Variants in FAM228B observed in about 807,000 individuals in gnomAD.
FAM228B encodes family with sequence similarity 228 member B.
A neutral mutation model predicts 42.6 loss-of-function variants in FAM228B; 38 were observed. That is an observed-to-expected ratio of 0.89 (90% CI 0.69 to 1.17). The LOEUF is 1.17. FAM228B is among the 50% of genes most tolerant of loss of function. FAM228B has a pLI of 0.00. For synonymous variants in FAM228B, 109 were observed against 122.3 expected, an observed-to-expected ratio of 0.89 and a Z score of 0.72; for missense variants, 344 against 367.3, an observed-to-expected ratio of 0.94 and a Z score of 0.52.
In FAM228B at chr2:24,164,293, C is replaced by G; in HGVS notation, c.890C>G (p.Ser297Cys). Residue 297 changes from serine (S) to cysteine (C), a missense_variant, in exon 9 of 11, where the codon TCT becomes TGT. Physicochemically the swap from Ser to Cys is moderately radical, Grantham distance 112. Coordinates refer to ENST00000615575, the MANE Select transcript of FAM228B (RefSeq NM_001145710.2). ...AKEAISEGYFSSLSLSQEREE... is the reference protein window; with the variant it reads ...AKEAISEGYFCSLSLSQEREE... Reference sequence around the variant, plus strand: ...GAGGCCATCTCTGAAGGGTATTTTTCTTCCTTGAGCCTCAGCCAGGAACGG... The same window carrying G: ...GAGGCCATCTCTGAAGGGTATTTTTGTTCCTTGAGCCTCAGCCAGGAACGG... The G allele has an allele frequency of 6.4e-7, 1 of 1,551,086 alleles. No homozygotes were observed. The highest frequency in any genetic ancestry group is 8.7e-7 in the Non-Finnish European group (1 of 1,146,730).
rs182298793 is a variant in FAM228B at position 24,161,960 on chromosome 2, G to A, written c.794+347G>A. Among the ~76,000 whole-genome samples the A allele has an allele frequency of 6.5e-4, 99 of 152,324 alleles. No individual in the cohort carries two copies. In the Middle Eastern group the frequency reaches 0.01, roughly 16 times the overall value. The stretch of plus-strand genomic sequence containing the variant: ...CTAAAAATATAAAAATTAGCCAGGC[G>A]TGGTGGTGGGCAACTATAATCCCAG... On this transcript the variant is annotated intron_variant, in intron 8 of 10. Transcript: ENST00000615575.
chr2:24,149,754 G>A (rs1403791141), intron 7 of FAM228B, among the ~76,000 whole-genome samples: 2 of 152,084 alleles, frequency 1.3e-5, no homozygotes, highest in East Asian at 3.9e-4. Flanking sequence ...TTGTAATAAG[G>A]CTTTTCTTCT....
chr2:24,155,214 T>TA, intron 7 of FAM228B, among the ~76,000 whole-genome samples: 1 of 152,184 alleles, frequency 6.6e-6, no homozygotes, highest in Non-Finnish European at 1.5e-5. Flanking sequence ...AATATTGATT[T>TA]TGTAGTGAGC....
At chr2:24,112,260 G>A (rs940506706) in intron 3 of FAM228B, among the ~76,000 whole-genome samples, 2 of 149,248 alleles carry the variant, frequency 1.3e-5, no homozygotes, top group Non-Finnish European at 3.0e-5. Context: ...AAAGAGACCT[G>A]AAGAAAATCT....
chr2:24,117,014 A>ATTTTTT, intron 3 of FAM228B, among the ~76,000 whole-genome samples: 1 of 131,928 alleles, frequency 7.6e-6, no homozygotes, highest in Non-Finnish European at 1.6e-5. Flanking sequence ...ACAATCCTGC[A>ATTTTTT]TTTTTTTTTT....
At chr2:24,083,827 G>A (rs1376194082) in intron 2 of FAM228B, among the ~76,000 whole-genome samples, 1 of 152,026 alleles carries the variant, frequency 6.6e-6, no homozygotes, top group African/African-American at 2.4e-5. Context: ...CTAGTGTCAC[G>A]GCCTTGGGCG....
intron 7 of FAM228B, among the ~76,000 whole-genome samples, chr2:24,150,960 GT>G (rs1667007497): frequency 6.6e-6 from 1 of 152,060 alleles, no homozygotes; most frequent in African/African-American, 2.4e-5. Context: ...CTACTTGAAT[GT>G]TGATATCTTT....
At chr2:24,089,506 G>C (rs1046127695) in intron 2 of FAM228B, among the ~76,000 whole-genome samples, 1 of 152,054 alleles carries the variant, frequency 6.6e-6, no homozygotes, top group African/African-American at 2.4e-5. Context: ...TTGATGTTGG[G>C]TTTGGCCCTG....
intron 3 of FAM228B, among the ~76,000 whole-genome samples, chr2:24,109,116 A>T (rs1665747170): frequency 6.6e-6 from 1 of 150,922 alleles, no homozygotes; most frequent in Non-Finnish European, 1.5e-5. Flanking sequence ...AAATAATGCC[A>T]TACACCTATA....
chr2:24,134,213 G>A (rs750694992), intron 2 of FAM228B, among the ~76,000 whole-genome samples: 1 of 152,094 alleles, frequency 6.6e-6, no homozygotes, highest in Non-Finnish European at 1.5e-5. Context: ...ATATCCATAG[G>A]CTTATGTTTC....
rs180684939 is a variant in FAM228B, at chr2:24,135,845, A to G, written c.168+658A>G. Among the ~76,000 whole-genome samples the G allele has an allele frequency of 1.5e-3, 221 of 152,058 alleles. 3 individuals are homozygous for G. Among genetic ancestry groups the G allele is most frequent in the African/African-American group, 3.8e-3 (156 of 41,466 alleles). On this transcript the variant is annotated intron_variant, in intron 3 of 10. Coordinates refer to ENST00000615575, the MANE Select transcript of FAM228B (RefSeq NM_001145710.2). ...GAAAGGTGAATGAGAAGGTTTAGTG[A>G]GAATGAATTAGTTTGTAGCCTAATC... is the stretch of plus-strand genomic sequence containing the variant.
In FAM228B at chr2:24,169,562, T is replaced by C. The variant is rs1558399343; in HGVS notation, c.*221T>C. 3.5e-6 allele frequency: 1 copy of C among 285,564 alleles called. No homozygotes were observed. Among genetic ancestry groups the C allele is most frequent in the Non-Finnish European group, 7.8e-6 (1 of 128,420 alleles). 17.7% of individuals were successfully genotyped at this position (285,564 alleles called of 1,614,324 possible). On this transcript the variant is annotated 3_prime_UTR_variant, in exon 11 of 11. Coordinates refer to ENST00000615575, the MANE Select transcript of FAM228B (RefSeq NM_001145710.2). The surrounding 1 kb of genome is among the most constrained non-coding windows in gnomAD (Gnocchi z 4.2). ...TTCAGTGTCTGTGATAATTAAGAAA[T>C]GGCAATACCATGTATTTTCCCCAGA...
chr2:24,144,301 A>G (rs1666837640), intron 5 of FAM228B, among the ~76,000 whole-genome samples: 1 of 151,502 alleles, frequency 6.6e-6, no homozygotes, highest in South Asian at 2.1e-4. Context: ...CTAGCTGGAC[A>G]TGGCGCACAC....
At chr2:24,131,583 T>C (rs1666454083) in intron 2 of FAM228B, among the ~76,000 whole-genome samples, 1 of 152,192 alleles carries the variant, frequency 6.6e-6, no homozygotes, top group South Asian at 2.1e-4. Context: ...TTATTTTCTT[T>C]ATAGCAATTG....
At chr2:24,121,105 A>C, upstream of FAM228B, 5 of 1,597,468 alleles carry the variant, frequency 3.1e-6, no homozygotes, top group Non-Finnish European at 4.3e-6. Context: ...CAGAGCAAGG[A>C]AATTTGGAGG....
At chr2:24,167,803 G>T in intron 10 of FAM228B, 120 bp downstream of exon 10, 1 of 1,185,232 alleles carries the variant, frequency 8.4e-7, no homozygotes, top group East Asian at 2.6e-5. Context: ...ATAATGGGTG[G>T]GTAGGAAAGT....
At chr2:24,111,049 C>G (rs559918167) in intron 3 of FAM228B, among the ~76,000 whole-genome samples, 4 of 152,240 alleles carry the variant, frequency 2.6e-5, no homozygotes, top group Admixed American at 1.3e-4. Context: ...TGACTCTTAT[C>G]TGAGCTTCCT....
Position 24,167,657 on chromosome 2 carries a change from G to T in FAM228B, c.963G>T (p.Lys321Asn). ...CCTCCCCGCGTTTGGGGCTGCTGAA[G>T]CTGGAGCTATAAGAAAGAAGAGGGA... ...GSPSPRLGLLKLEL is the reference protein window; with the variant it reads ...GSPSPRLGLLNLEL Residue 321 changes from lysine (K) to asparagine (N), a missense_variant, in exon 10 of 11, where the codon AAG becomes AAT. Lys to Asn is a moderately conservative substitution (Grantham distance 94). Coordinates refer to ENST00000615575, the MANE Select transcript of FAM228B (RefSeq NM_001145710.2). The T allele has an allele frequency of 6.4e-7, 1 of 1,551,664 alleles. No homozygotes were observed. The highest frequency in any genetic ancestry group is 8.7e-7 in the Non-Finnish European group (1 of 1,146,920).
intron 10 of FAM228B, 44 bp downstream of exon 10, chr2:24,167,727 C>A (rs1303833918): frequency 5.2e-6 from 8 of 1,547,830 alleles, no homozygotes; most frequent in Non-Finnish European, 7.0e-6. Flanking sequence ...CTATTCCTTA[C>A]CCCTGTTTCT....
Sources: allele counts gnomAD v4.1 joint callset (sites outside exome capture counted in the v4.1 genomes callset), GRCh38; gene constraint gnomAD v4.1.1; non-coding constraint Gnocchi (gnomAD v3.1); transcripts MANE v1.5; gene names NCBI Gene and HGNC (gene_info 2026-07-23, HGNC 2026-07-21).